The following SPIDR variants were observed in gnomAD, a reference collection of about 807,000 sequenced individuals.
The protein encoded by SPIDR is scaffold protein involved in DNA repair, also known as DNA repair-scaffolding protein.
SPIDR carries 93 observed loss-of-function variants against 104.6 expected under a neutral mutation model. The observed-to-expected ratio is 0.89, with a 90% CI of 0.75 to 1.06. The LOEUF (loss-of-function observed/expected upper bound fraction) is 1.06. SPIDR is among the 50% of genes least tolerant of loss of function. SPIDR has a pLI of 0.00. For synonymous variants in SPIDR, 431 were observed against 416.9 expected, an observed-to-expected ratio of 1.03 and a Z score of -0.41; for missense variants, 1,154 against 1,111.2, an observed-to-expected ratio of 1.04 and a Z score of -0.55.
At chr8:47,398,668 G>A (rs979889844) in intron 6 of SPIDR, among the ~76,000 whole-genome samples, 1 of 152,126 alleles carries the variant, frequency 6.6e-6, no homozygotes, top group African/African-American at 2.4e-5. Context: ...TGCAGTCCAC[G>A]GGCAGGCCTG....
At position 47,361,754 on chromosome 8, in the gene SPIDR, T is replaced by TTAGGGGAGATGAGGAATG. The variant is rs550204324; in HGVS notation, c.526-34619_526-34602dup. ...GGCTTGCAGGTCGGAGAACTACAGT[T>TTAGGGGAGATGAGGAATG]TAGGGGAGATGAGGAATGTAAGACA... On this transcript the variant is annotated intron_variant, in intron 5 of 19. Transcript: ENST00000297423. Among the ~76,000 whole-genome samples the TTAGGGGAGATGAGGAATG allele has an allele frequency of 1.2e-4, 18 of 151,992 alleles. No individual in the cohort carries two copies. In the South Asian group the frequency reaches 3.7e-3, roughly 32 times the overall value.
intron 6 of SPIDR, among the ~76,000 whole-genome samples, chr8:47,403,915 A>T (rs528930106): frequency 1.3e-5 from 2 of 152,346 alleles, no homozygotes; most frequent in East Asian, 3.9e-4. Context: ...CCAAAAGAAC[A>T]AAGCTGGAGG....
intron 5 of SPIDR, among the ~76,000 whole-genome samples, chr8:47,387,958 A>C (rs1236694347): frequency 1.3e-5 from 2 of 152,202 alleles, no homozygotes; most frequent in African/African-American, 4.8e-5. Context: ...TGTTTTTCAC[A>C]TCACTGTCTC....
chr8:47,320,192 G>C (rs1309576613), intron 5 of SPIDR, among the ~76,000 whole-genome samples: 3 of 152,116 alleles, frequency 2.0e-5, no homozygotes, highest in African/African-American at 7.2e-5. Flanking sequence ...AAACTTGATA[G>C]GCTGCTAGAA....
chr8:47,598,065 C>G (rs977926862), intron 9 of SPIDR, among the ~76,000 whole-genome samples: 1 of 152,214 alleles, frequency 6.6e-6, no homozygotes. Context: ...AAAAGGAAGA[C>G]TCTCGAATCA....
At position 47,260,981 on chromosome 8, in the gene SPIDR, G is replaced by C. The variant is rs981102656; in HGVS notation, c.23G>C (p.Arg8Pro). 4.9e-6 allele frequency: 6 copies of C among 1,230,122 alleles called. No individual in the cohort carries two copies. Among genetic ancestry groups the C allele is most frequent in the South Asian group, 3.9e-5 (1 of 25,406 alleles). The allele number at this position is 1,230,122 out of a possible 1,614,324, so 76.2% of individuals were successfully genotyped here. Residue 8 changes from arginine to proline, a missense_variant, in exon 1 of 20, where the codon CGG (arginine) becomes CCG (proline). Coordinates refer to ENST00000297423, the MANE Select transcript of SPIDR (RefSeq NM_001080394.4). MPRGSRA[R>P]GSKRKRSWNT... The stretch of plus-strand genomic sequence containing the variant: ...GAGATGCCCCGCGGCAGCCGCGCTC[G>C]GGGCTCTAAGGTAGGCTCTGGGGCG...
At chr8:47,492,456 C>G (rs1586644465) in intron 8 of SPIDR, among the ~76,000 whole-genome samples, 1 of 152,216 alleles carries the variant, frequency 6.6e-6, no homozygotes, top group Non-Finnish European at 1.5e-5. Context: ...CTTCTTGCAC[C>G]CTGCTGATTG....
chr8:47,528,530 A>G (rs1247983164), intron 8 of SPIDR, among the ~76,000 whole-genome samples: 3 of 152,278 alleles, frequency 2.0e-5, no homozygotes, highest in South Asian at 2.1e-4. Context: ...TCCTAAGATT[A>G]ATATGTTAGG....
intron 10 of SPIDR, chr8:47,673,492 A>T (rs1207385564): frequency 4.1e-6 from 2 of 489,108 alleles, no homozygotes; most frequent in South Asian, 3.1e-5. Context: ...ATCTTGAGGT[A>T]CTTTTCAGCC....
intron 8 of SPIDR, among the ~76,000 whole-genome samples, chr8:47,459,360 A>C (rs1554711926): frequency 1.3e-5 from 2 of 151,922 alleles, no homozygotes; most frequent in African/African-American, 4.8e-5. Context: ...TCCTGATTTA[A>C]GCTTCCTGTA....
chr8:47,619,975 A>G (rs886398410), intron 10 of SPIDR, among the ~76,000 whole-genome samples: 3 of 152,218 alleles, frequency 2.0e-5, no homozygotes, highest in African/African-American at 7.2e-5. Flanking sequence ...AAGATTGACC[A>G]GAGAATTCTA....
At chr8:47,626,058 G>A (rs2066043153) in intron 10 of SPIDR, among the ~76,000 whole-genome samples, 1 of 152,152 alleles carries the variant, frequency 6.6e-6, no homozygotes, top group Non-Finnish European at 1.5e-5. Flanking sequence ...CAATGGAACA[G>A]AACAGAGCCC....
At chr8:47,568,225 C>T (rs2058122864) in intron 8 of SPIDR, among the ~76,000 whole-genome samples, 2 of 152,154 alleles carry the variant, frequency 1.3e-5, no homozygotes, top group Non-Finnish European at 2.9e-5. Flanking sequence ...CATTCCTCAT[C>T]TCTTTGATTA....
At chr8:47,594,479 C>T (rs1053985920) in intron 8 of SPIDR, among the ~76,000 whole-genome samples, 2 of 152,118 alleles carry the variant, frequency 1.3e-5, no homozygotes, top group Non-Finnish European at 2.9e-5. Flanking sequence ...CAGGTCTTCA[C>T]TTGGCCTGTG....
At chr8:47,437,428 A>C (rs1162460957) in intron 7 of SPIDR, among the ~76,000 whole-genome samples, 3 of 152,012 alleles carry the variant, frequency 2.0e-5, no homozygotes, top group Non-Finnish European at 2.9e-5. Flanking sequence ...TGAACTCATC[A>C]TTTTTTATGG....
In SPIDR at chr8:47,403,373, A is replaced by G. The variant is rs185234064; in HGVS notation, c.777-4488A>G. On this transcript the variant is annotated intron_variant, in intron 6 of 19. Coordinates refer to ENST00000297423, the MANE Select transcript of SPIDR (RefSeq NM_001080394.4). ...TGGCCAGGGCAATCAGGCAAGAGAA[A>G]GAAATAAAGGGTGTTCAGTTAGGAA... Among the ~76,000 whole-genome samples, 610 of 152,302 alleles carry G rather than the reference A, an allele frequency of 4.0e-3. 4 individuals carry two copies. Among genetic ancestry groups the G allele is most frequent in the Admixed American group, 0.012 (191 of 15,298 alleles).
chr8:47,609,187 G>A (rs1473036982), intron 10 of SPIDR, among the ~76,000 whole-genome samples: 1 of 152,114 alleles, frequency 6.6e-6, no homozygotes, highest in African/African-American at 2.4e-5. Context: ...TTCCCATTCT[G>A]TGGAGTTTTT....
intron 10 of SPIDR, among the ~76,000 whole-genome samples, chr8:47,640,598 ATTAC>A (rs1359022457): frequency 6.6e-6 from 1 of 152,168 alleles, no homozygotes; most frequent in Non-Finnish European, 1.5e-5. Flanking sequence ...TTTTATATGT[ATTAC>A]TTGGTAGTAA....
intron 5 of SPIDR, among the ~76,000 whole-genome samples, chr8:47,351,328 T>A (rs1407191360): frequency 6.6e-6 from 1 of 152,120 alleles, no homozygotes; most frequent in African/African-American, 2.4e-5. Flanking sequence ...TCAGAATTGA[T>A]TATTATTTTG....
Sources: gnomAD v4.1 joint callset for allele counts (sites outside exome capture counted in the v4.1 genomes callset) on GRCh38, gnomAD v4.1.1 for gene constraint, MANE v1.5 for transcripts, NCBI Gene and HGNC (gene_info 2026-07-23, HGNC 2026-07-21) for gene names.